The following YPEL5 variants were observed in gnomAD, a reference collection of about 807,000 sequenced individuals.
The protein encoded by YPEL5 is yippee like 5.
A neutral mutation model predicts 10.5 loss-of-function variants in YPEL5; 1 was observed. That is an observed-to-expected ratio of 0.10 (90% confidence interval 0.03 to 0.45). The LOEUF is 0.45. Among genes scored for constraint, YPEL5 ranks in the 20% least tolerant of loss-of-function variants. YPEL5 has a pLI of 0.97. For missense variants in YPEL5, 68 were observed against 159.3 expected, an observed-to-expected ratio of 0.43 and a Z score of 3.09; for synonymous variants, 61 against 56.6, an observed-to-expected ratio of 1.08 and a Z score of -0.35.
At chr2:30,155,512 T>C (rs1676003583) in intron 1 of YPEL5, among the ~76,000 whole-genome samples, 2 of 152,214 alleles carry the variant, frequency 1.3e-5, no homozygotes, top group Non-Finnish European at 2.9e-5. Context: ...ATTGGAAAGA[T>C]GTATAATAAA....
At chr2:30,150,653 T>A (rs1253705146) in intron 1 of YPEL5, among the ~76,000 whole-genome samples, 1 of 152,216 alleles carries the variant, frequency 6.6e-6, no homozygotes. Context: ...GGAATGGGAT[T>A]AAACTGATCT....
At chr2:30,148,114 CG>C (rs1196362583) in intron 1 of YPEL5, 2 of 152,294 alleles carry the variant, frequency 1.3e-5, no homozygotes, top group African/African-American at 4.8e-5. Flanking sequence ...AATGAGTGTC[CG>C]GATCAGCGGG....
intron 2 of YPEL5, among the ~76,000 whole-genome samples, chr2:30,158,139 T>G (rs1244253406): frequency 6.6e-6 from 1 of 152,260 alleles, no homozygotes; most frequent in Non-Finnish European, 1.5e-5. Context: ...ATGTATGGTC[T>G]TTAGTAGGCT....
Position 30,147,052 on chromosome 2 carries a change from C to T in YPEL5, c.-35C>T, listed in dbSNP as rs972633279. ...AGCCGCTGGCAGCCGCGGATCTCAC[C>T]GCCGCTCAGGGTGAGTCCCGCGGGA... On this transcript the variant is annotated 5_prime_UTR_variant, in exon 1 of 3. Coordinates refer to ENST00000261353, the MANE Select transcript of YPEL5 (RefSeq NM_016061.3). The T allele has an allele frequency of 6.6e-6, 1 of 152,450 alleles. No homozygotes were observed. The highest frequency in any genetic ancestry group is 1.5e-5 in the Non-Finnish European group (1 of 68,250). The allele number at this position is 152,450 out of a possible 1,614,324, so 9.4% of individuals were successfully genotyped here. A position where few individuals can be genotyped will look rare whatever the true frequency, so the allele number is the denominator to read the frequency against.
chr2:30,155,965 TTAA>T (rs1676019667), intron 1 of YPEL5: 1 of 152,276 alleles, frequency 6.6e-6, no homozygotes, highest in South Asian at 2.1e-4. Flanking sequence ...CTTTGACCAG[TTAA>T]TAACCTTTTT....
intron 1 of YPEL5, among the ~76,000 whole-genome samples, chr2:30,147,330 C>T (rs1675466481): frequency 6.7e-6 from 1 of 149,972 alleles, no homozygotes; most frequent in Non-Finnish European, 1.5e-5. Context: ...CCCGCCCCCG[C>T]CGCGCAGCCG....
chr2:30,156,743 T>C lies in YPEL5; in HGVS notation c.92T>C (p.Ile31Thr). 1 of 1,614,194 alleles carries C rather than the reference T, an allele frequency of 6.2e-7. No individual in the cohort carries two copies. Among genetic ancestry groups the C allele is most frequent in the Non-Finnish European group, 8.5e-7 (1 of 1,180,020 alleles). The stretch of plus-strand genomic sequence containing the variant: ...ATCCTGACCAACCGCTCAGAACTCA[T>C]CTCCACTCGTTTCACAGGCGCCACT... ...DTILTNRSELISTRFTGATGR... is the reference protein window; with the variant it reads ...DTILTNRSELTSTRFTGATGR... Residue 31 changes from isoleucine (I) to threonine (T), a missense_variant, in exon 2 of 3, where the codon ATC (isoleucine) becomes ACC (threonine). Ile to Thr is a moderately conservative substitution (Grantham distance 89). Around this residue, in one of 2 missense-constraint regions of YPEL5, gnomAD observed 48 missense variants for 138.4 expected, o/e 0.35. Transcript: ENST00000261353.
intron 1 of YPEL5, among the ~76,000 whole-genome samples, chr2:30,149,581 CTT>C (rs919486741): frequency 7.2e-5 from 11 of 152,312 alleles, no homozygotes; most frequent in African/African-American, 2.6e-4. Flanking sequence ...ACCCAGCACT[CTT>C]AAAAGTTATT....
intron 1 of YPEL5, among the ~76,000 whole-genome samples, chr2:30,150,295 T>C (rs1220330610): frequency 6.6e-6 from 1 of 152,212 alleles, no homozygotes; most frequent in Non-Finnish European, 1.5e-5. Flanking sequence ...CTGACCTTTA[T>C]TGAGCATTCA....
At chr2:30,156,124 C>A (rs1047884789) in intron 1 of YPEL5, among the ~76,000 whole-genome samples, 2 of 152,120 alleles carry the variant, frequency 1.3e-5, no homozygotes, top group Non-Finnish European at 2.9e-5. Context: ...ACCTGGTGAT[C>A]ACAGACCTAC....
chr2:30,147,543 C>T (rs1160254897), intron 1 of YPEL5: 10 of 151,062 alleles, frequency 6.6e-5, no homozygotes, highest in Admixed American at 6.6e-4. Context: ...CGCCCGGTCT[C>T]CGCCCCGAAT....
chr2:30,158,681 T>A lies in YPEL5; in HGVS notation c.204T>A (p.Val68=), dbSNP rs749256772. ...TCATGCTCACTGGCCGCCACATGGT[T>A]CGAGATGTGAGCTGCAAAAACTGCA... ...DRVMLTGRHM[V]RDVSCKNCNS... is the part of the protein sequence containing the mutation. Residue 68 remains valine, a synonymous_variant, in exon 3 of 3, where the codon GTT becomes GTA. Coordinates refer to ENST00000261353, the MANE Select transcript of YPEL5 (RefSeq NM_016061.3). 3 of 1,614,160 alleles carry A rather than the reference T, an allele frequency of 1.9e-6. No individual in the cohort carries two copies. Among genetic ancestry groups the A allele is most frequent in the Non-Finnish European group, 2.5e-6 (3 of 1,180,028 alleles).
chr2:30,152,886 CTTTGT>C (rs1675869320), intron 1 of YPEL5, among the ~76,000 whole-genome samples: 1 of 107,286 alleles, frequency 9.3e-6, no homozygotes, highest in Non-Finnish European at 2.0e-5. Context: ...AATGACTGTC[CTTTGT>C]TTTTTTTTTT....
In YPEL5 at chr2:30,153,192, G is replaced by A. The variant is rs138466955; in HGVS notation, c.-24-3436G>A. ...GCCGGGATTACAGGTGTGAGCCACC[G>A]CGCCCGGCCTTTGTCCTCCTTAAAT... On this transcript the variant is annotated intron_variant, in intron 1 of 2. Coordinates refer to ENST00000261353, the MANE Select transcript of YPEL5 (RefSeq NM_016061.3). Among the ~76,000 whole-genome samples the A allele has an allele frequency of 9.5e-4, 145 of 152,248 alleles. 2 individuals are homozygous for A. In the East Asian group the frequency reaches 0.021, roughly 23 times the overall value.
chr2:30,154,895 C>T (rs753836359), intron 1 of YPEL5, among the ~76,000 whole-genome samples: 3 of 152,188 alleles, frequency 2.0e-5, no homozygotes, highest in African/African-American at 2.4e-5. Flanking sequence ...TGCGCCACCA[C>T]GTCTGACTAA....
At chr2:30,154,601 TAAAAC>T (rs1379610238) in intron 1 of YPEL5, among the ~76,000 whole-genome samples, 2 of 152,236 alleles carry the variant, frequency 1.3e-5, no homozygotes, top group Non-Finnish European at 2.9e-5. Context: ...GTGACCCAAA[TAAAAC>T]AGACATGTCC....
In YPEL5 at chr2:30,158,705, C is replaced by T; in HGVS notation, c.228C>T (p.Cys76=). 3 of 1,614,210 alleles carry T rather than the reference C, an allele frequency of 1.9e-6. No individual in the cohort carries two copies. Among genetic ancestry groups the T allele is most frequent in the Non-Finnish European group, 2.5e-6 (3 of 1,180,036 alleles). Residue 76 remains cysteine (C), a synonymous_variant, in exon 3 of 3, where the codon TGC becomes TGT. Transcript: ENST00000261353. ...TTCGAGATGTGAGCTGCAAAAACTG[C>T]AATAGCAAACTGGGATGGATCTATG... ...HMVRDVSCKN[C]NSKLGWIYEF...
chr2:30,156,580 A>G, intron 1 of YPEL5, 48 bp from the exon 2 acceptor site: 1 of 1,573,772 alleles, frequency 6.4e-7, no homozygotes, highest in South Asian at 1.1e-5. Context: ...AGTAGGTGCT[A>G]ACATGATTAT....
Position 30,156,522 on chromosome 2 carries a change from A to G in YPEL5, c.-24-106A>G. The G allele has an allele frequency of 2.8e-6, 3 of 1,061,304 alleles. No individual in the cohort carries two copies. In the South Asian group the frequency reaches 4.6e-5, roughly 16 times the overall value. The allele number at this position is 1,061,304 out of a possible 1,614,324, so 65.7% of individuals were successfully genotyped here. A position where few individuals can be genotyped will look rare whatever the true frequency, so the allele number is the denominator to read the frequency against. On this transcript the variant is annotated intron_variant, in intron 1 of 2. Coordinates refer to ENST00000261353, the MANE Select transcript of YPEL5 (RefSeq NM_016061.3). Reference sequence around the variant, plus strand: ...TTTCACACATCGAGTACTACAAAGCAGAGATTACATAAATACGTATACAAA... The same window carrying G: ...TTTCACACATCGAGTACTACAAAGCGGAGATTACATAAATACGTATACAAA...
Sources: gnomAD v4.1 joint callset for allele counts (sites outside exome capture counted in the v4.1 genomes callset) on GRCh38, gnomAD v4.1.1 for gene constraint, gnomAD v4.1.1 regional missense constraint, MANE v1.5 for transcripts, NCBI Gene and HGNC (gene_info 2026-07-23, HGNC 2026-07-21) for gene names.